FSD1L: variants seen among roughly 807,000 people sequenced by gnomAD.
FSD1L encodes the protein FSD1-like protein.
In FSD1L, 45 loss-of-function variants were observed where a neutral mutation model predicts 71.6. The observed-to-expected ratio is 0.63, with a 90% CI of 0.49 to 0.81. The LOEUF (loss-of-function observed/expected upper bound fraction) is 0.81, where lower values mean the gene tolerates loss of function less well. FSD1L is among the 30% of genes least tolerant of loss of function. The pLI is 0.00. For synonymous variants in FSD1L, 197 were observed against 207.2 expected (o/e 0.95, Z 0.42); for missense variants, 561 against 618.1 (o/e 0.91, Z 0.98).
Position 105,508,637 on chromosome 9 carries a change from T to C in FSD1L, c.817T>C (p.Tyr273His). Residue 273 changes from tyrosine to histidine, a missense_variant, in exon 9 of 14, where the codon TAT (tyrosine) becomes CAT (histidine). Physicochemically the swap from Tyr to His is moderately conservative, Grantham distance 83 (BLOSUM62 2). This residue lies in a region of FSD1L where 410 missense variants were observed against 413.5 expected (regional missense o/e 0.99). Coordinates refer to ENST00000481272, the MANE Select transcript of FSD1L (RefSeq NM_001145313.3). Reference sequence around the variant, plus strand: ...TTCAGGCTTAAAATTTGATTCAAAGTATATGAATTTCAGAGTGCGAGCTTG... The same window carrying C: ...TTCAGGCTTAAAATTTGATTCAAAGCATATGAATTTCAGAGTGCGAGCTTG... ...TLSGLKFDSKYMNFRVRACNK... is the reference protein window; with the variant it reads ...TLSGLKFDSKHMNFRVRACNK... 2.1e-5 allele frequency: 32 copies of C among 1,550,306 alleles called. No individual in the cohort carries two copies. The highest frequency in any genetic ancestry group is 2.7e-5 in the Non-Finnish European group (31 of 1,145,538).
At chr9:105,525,596 T>C in intron 10 of FSD1L, 3 of 1,613,010 alleles carry the variant, frequency 1.9e-6, no homozygotes, top group Non-Finnish European at 2.5e-6. Flanking sequence ...CGGAGGAGCT[T>C]TCATCTCCTG....
chr9:105,512,915 A>G lies in FSD1L; in HGVS notation c.1004A>G (p.Lys335Arg). The change falls in exon 10 of 14, where the codon AAA becomes AGA. Residue 335 changes from lysine to arginine, a missense_variant. By Grantham distance (26) the Lys-to-Arg change is conservative (BLOSUM62 2). Coordinates refer to ENST00000481272, the MANE Select transcript of FSD1L (RefSeq NM_001145313.3). ...GGAAAAGGTCAAGAAAGTAAAATTA[A>G]AGGAAAAGAGAACAAGGGCAGGTAA... ...TGGKGQESKI[K>R]GKENKGRSGT... The G allele has an allele frequency of 6.5e-7, 1 of 1,538,242 alleles. No homozygotes were observed. Among genetic ancestry groups the G allele is most frequent in the South Asian group, 1.2e-5 (1 of 81,078 alleles).
intron 7 of FSD1L, 147 bp downstream of exon 7, chr9:105,484,649 T>C (rs1003138399): frequency 8.7e-6 from 4 of 460,918 alleles, no homozygotes; most frequent in Non-Finnish European, 1.4e-5. Context: ...AATTTGCTAG[T>C]TTTTTTTTAT....
chr9:105,515,748 T>C (rs1364608809), intron 10 of FSD1L, among the ~76,000 whole-genome samples: 2 of 151,508 alleles, frequency 1.3e-5, no homozygotes, highest in African/African-American at 4.9e-5. Context: ...GGCACAAAAC[T>C]GGGTGGCCGT....
At chr9:105,455,557 C>G (rs1830306983) in intron 1 of FSD1L, among the ~76,000 whole-genome samples, 1 of 152,156 alleles carries the variant, frequency 6.6e-6, no homozygotes, top group African/African-American at 2.4e-5. Context: ...TTATTTCATA[C>G]AATCCCCAAC....
intron 10 of FSD1L, among the ~76,000 whole-genome samples, chr9:105,531,562 A>C (rs1835896338): frequency 6.6e-6 from 1 of 152,208 alleles, no homozygotes; most frequent in Non-Finnish European, 1.5e-5. Flanking sequence ...TCTAGTTACA[A>C]AAGTAATTTT....
At chr9:105,541,461 A>G (rs1257546160) in intron 13 of FSD1L, among the ~76,000 whole-genome samples, 1 of 152,204 alleles carries the variant, frequency 6.6e-6, no homozygotes, top group East Asian at 1.9e-4. Context: ...ATTTGAATCT[A>G]TCTCATGTAT....
At chr9:105,447,059 C>A (rs1012477928), upstream of FSD1L, among the ~76,000 whole-genome samples, 59 of 152,130 alleles carry the variant, frequency 3.9e-4, no homozygotes, top group Middle Eastern at 0.014. Context: ...CCCTGTAACC[C>A]ACACCTGTAA....
chr9:105,461,745 G>A lies in FSD1L; in HGVS notation c.111+130G>A, dbSNP rs190489385. On this transcript the variant is annotated intron_variant, in intron 2 of 13. Coordinates refer to ENST00000481272, the MANE Select transcript of FSD1L (RefSeq NM_001145313.3). The stretch of plus-strand genomic sequence containing the variant: ...AAAGGTAGGCTTTAGCTGGGAGCAG[G>A]GATCATGCCTGTAATCCCAACACTT... 299 of 587,512 alleles carry A rather than the reference G, an allele frequency of 5.1e-4. 1 individual carries two copies. The East Asian group carries it at 6.4e-3, about 13-fold the overall frequency. The allele number at this position is 587,512 out of a possible 1,614,324, so 36.4% of individuals were successfully genotyped here.
intron 7 of FSD1L, 83 bp downstream of exon 7, chr9:105,484,585 A>G (rs1832414362): frequency 2.3e-6 from 2 of 855,018 alleles, no homozygotes; most frequent in Non-Finnish European, 3.3e-6. Context: ...ATTGGTTTGT[A>G]AATATTAAGG....
chr9:105,517,266 G>A (rs1352442733), intron 10 of FSD1L, among the ~76,000 whole-genome samples: 1 of 152,216 alleles, frequency 6.6e-6, no homozygotes, highest in African/African-American at 2.4e-5. Context: ...GTATTATCGA[G>A]GAGAACTTCC....
At chr9:105,525,014 C>T in intron 10 of FSD1L, 3 of 1,568,534 alleles carry the variant, frequency 1.9e-6, no homozygotes, top group Non-Finnish European at 2.6e-6. Context: ...ATCTGCTGGC[C>T]TTGCATCAGC....
At chr9:105,513,044 A>G in intron 10 of FSD1L, 108 bp downstream of exon 10, 2 of 839,512 alleles carry the variant, frequency 2.4e-6, no homozygotes, top group South Asian at 6.7e-5. Flanking sequence ...TGAGAGTTAC[A>G]GTATATTAGT....
intron 1 of FSD1L, among the ~76,000 whole-genome samples, chr9:105,452,665 G>GCCTTCCTTCCTTCCTTCCTTCCTT (rs1314711604): frequency 2.3e-5 from 2 of 85,902 alleles, no homozygotes; most frequent in East Asian, 2.7e-4. Flanking sequence ...CTGCCTGCCT[G>GCCTTCCTTCCTTCCTTCCTTCCTT]CCTGCCTTCC....
Position 105,550,141 on chromosome 9 carries a change from G to T in FSD1L, c.*3658G>T, listed in dbSNP as rs2131556918. On this transcript the variant is annotated 3_prime_UTR_variant, in exon 14 of 14. Coordinates refer to ENST00000481272, the MANE Select transcript of FSD1L (RefSeq NM_001145313.3). ...TAACCAAAACCAGTGAAGTTTGATGGACTGTGCATAGAGTTTTGCAGCTTT... is the reference window on the plus strand; with the variant it reads ...TAACCAAAACCAGTGAAGTTTGATGTACTGTGCATAGAGTTTTGCAGCTTT... 1 of 152,090 alleles carries T rather than the reference G, an allele frequency of 6.6e-6. No homozygotes were observed. Among genetic ancestry groups the T allele is most frequent in the Non-Finnish European group, 1.5e-5 (1 of 67,896 alleles). 9.4% of individuals were successfully genotyped at this position (152,090 alleles called of 1,614,324 possible).
chr9:105,509,993 T>C (rs1834302301), intron 9 of FSD1L, among the ~76,000 whole-genome samples: 1 of 152,228 alleles, frequency 6.6e-6, no homozygotes, highest in Non-Finnish European at 1.5e-5. Flanking sequence ...AAAATTTCTT[T>C]TGTTTCTTTT....
In FSD1L at chr9:105,492,567, T is replaced by C. The variant is rs1175163374; in HGVS notation, c.586+8065T>C. Among the ~76,000 whole-genome samples, 7 of 152,076 alleles carry C rather than the reference T, an allele frequency of 4.6e-5. No homozygotes were observed. The East Asian group carries it at 7.7e-4, about 17-fold the overall frequency. On this transcript the variant is annotated intron_variant, in intron 7 of 13. Transcript: ENST00000481272. ...CTTTTGAATGTGTTTGCTCTTGCTT[T>C]TCTAGTTCTTTTAATTGTGATGTTA...
intron 5 of FSD1L, among the ~76,000 whole-genome samples, chr9:105,473,823 C>T (rs561236716): frequency 6.6e-5 from 10 of 152,276 alleles, no homozygotes; most frequent in African/African-American, 2.4e-4. Flanking sequence ...CAAATGCTAC[C>T]CTTTTCTGTT....
rs182932291 is a variant in FSD1L, at chr9:105,462,265, G to A, written c.111+650G>A. ...GAATCTTGCTCTGTCACCCAGGCTG[G>A]AATGTAGTGGTGTGATCTCGGCTCA... On this transcript the variant is annotated intron_variant, in intron 2 of 13. Transcript: ENST00000481272. Among the ~76,000 whole-genome samples the A allele has an allele frequency of 3.4e-3, 510 of 150,976 alleles. 4 individuals carry two copies. The highest frequency in any genetic ancestry group is 4.9e-3 in the Non-Finnish European group (331 of 67,776).
Sources: gnomAD v4.1 joint callset for allele counts (sites outside exome capture counted in the v4.1 genomes callset) on GRCh38, gnomAD v4.1.1 for gene constraint, gnomAD v4.1.1 regional missense constraint, MANE v1.5 for transcripts, NCBI Gene and HGNC (gene_info 2026-07-23, HGNC 2026-07-21) for gene names.